TLE1: variants seen among roughly 807,000 people sequenced by gnomAD.
The protein encoded by TLE1 is transducin-like enhancer protein 1.
A neutral mutation model predicts 89.8 loss-of-function variants in TLE1; 21 were observed. The ratio of observed to expected loss-of-function variants is 0.23; its 90% confidence interval spans 0.17 to 0.34. The LOEUF is 0.34. Ranked by LOEUF, TLE1 falls within the 10% of genes least tolerant of loss-of-function variation. TLE1 has a pLI of 1.00. For synonymous variants in TLE1, 447 were observed against 407.6 expected, an observed-to-expected ratio of 1.10 and a Z score of -1.16; for missense variants, 795 against 1,031.2, an observed-to-expected ratio of 0.77 and a Z score of 3.14.
At chr9:81,616,158 T>G in intron 10 of TLE1, 24 bp from the exon 11 acceptor site, 1 of 1,585,610 alleles carries the variant, frequency 6.3e-7, no homozygotes, top group Non-Finnish European at 8.5e-7. Context: ...ATCAAAAGTT[T>G]TCGTGATTTA....
At chr9:81,661,621 A>C (rs929307307) in intron 4 of TLE1, among the ~76,000 whole-genome samples, 1 of 152,166 alleles carries the variant, frequency 6.6e-6, no homozygotes, top group African/African-American at 2.4e-5. Context: ...AACACAGTGG[A>C]GTGTTGGTAA....
intron 14 of TLE1, among the ~76,000 whole-genome samples, chr9:81,594,217 G>A (rs946224202): frequency 2.0e-5 from 3 of 152,126 alleles, no homozygotes; most frequent in Non-Finnish European, 4.4e-5. Flanking sequence ...CGGCCCCTCT[G>A]GGCCACAAGT....
intron 4 of TLE1, among the ~76,000 whole-genome samples, chr9:81,658,057 C>T (rs1481991145): frequency 6.6e-6 from 1 of 151,568 alleles, no homozygotes; most frequent in African/African-American, 2.4e-5. Context: ...ATTACAGGCA[C>T]GTGCCACCAT....
Position 81,584,205 on chromosome 9 carries a change from A to C in TLE1, c.2306T>G (p.Ile769Ser), listed in dbSNP as rs1327668477. 1.2e-6 allele frequency: 2 copies of C among 1,613,692 alleles called. No homozygotes were observed. The highest frequency in any genetic ancestry group is 2.2e-5 in the South Asian group (2 of 91,078). ...TTAAACCACATAATGTTTTCAGTAGATGACTTCATAGACTGTAGCCTTCTT... is the reference window on the plus strand; with the variant it reads ...TTAAACCACATAATGTTTTCAGTAGCTGACTTCATAGACTGTAGCCTTCTT... The part of the protein sequence containing the change: ...GDKKATVYEV[I>S]Y Residue 769 changes from isoleucine (I) to serine (S), a missense_variant, in exon 20 of 20, where the codon ATC becomes AGC. By Grantham distance (142) the Ile-to-Ser change is moderately radical. Transcript: ENST00000376499.
chr9:81,626,262 A>C (rs945182786), intron 8 of TLE1, among the ~76,000 whole-genome samples: 8 of 152,120 alleles, frequency 5.3e-5, no homozygotes, highest in Non-Finnish European at 1.2e-4. Context: ...CAGTTACACT[A>C]AGGCAGTAGG....
At chr9:81,621,717 C>T (rs535109512) in intron 8 of TLE1, among the ~76,000 whole-genome samples, 2 of 152,278 alleles carry the variant, frequency 1.3e-5, no homozygotes, top group African/African-American at 4.8e-5. Context: ...AGGTAATCAG[C>T]CAGGTGGCCA....
At chr9:81,629,437 A>C (rs1334773218) in intron 8 of TLE1, among the ~76,000 whole-genome samples, 1 of 152,250 alleles carries the variant, frequency 6.6e-6, no homozygotes, top group Non-Finnish European at 1.5e-5. Context: ...TCAAAATTTT[A>C]AAACAGCCAA....
intron 6 of TLE1, among the ~76,000 whole-genome samples, chr9:81,643,337 A>C (rs1371919098): frequency 6.6e-6 from 1 of 151,842 alleles, no homozygotes; most frequent in African/African-American, 2.4e-5. Context: ...CCTGGGTTCA[A>C]GCGATTCTCC....
At chr9:81,666,900 C>A (rs979893990) in intron 4 of TLE1, among the ~76,000 whole-genome samples, 1 of 151,836 alleles carries the variant, frequency 6.6e-6, no homozygotes, top group South Asian at 2.1e-4. Context: ...AGAGGATCAC[C>A]GCAGAGCAGG....
At chr9:81,610,735 C>A (rs1424039939) in intron 13 of TLE1, among the ~76,000 whole-genome samples, 1 of 151,894 alleles carries the variant, frequency 6.6e-6, no homozygotes, top group African/African-American at 2.4e-5. Context: ...AAGAGGAATC[C>A]ATACCTGCCC....
intron 4 of TLE1, among the ~76,000 whole-genome samples, chr9:81,676,303 C>A (rs945917980): frequency 6.6e-6 from 1 of 152,152 alleles, no homozygotes; most frequent in Non-Finnish European, 1.5e-5. Flanking sequence ...TTCAAGCAGA[C>A]TGCAACCTAG....
intron 13 of TLE1, among the ~76,000 whole-genome samples, chr9:81,610,615 A>C (rs1308905257): frequency 6.6e-6 from 1 of 152,006 alleles, no homozygotes; most frequent in Non-Finnish European, 1.5e-5. Context: ...GGATTTCTCA[A>C]CCTCAGCACT....
In TLE1 at chr9:81,687,335, T is replaced by C. The variant is rs1452572970; in HGVS notation, c.124A>G (p.Ser42Gly). The change falls in exon 2 of 20, where the codon AGC becomes GGC. Residue 42 changes from serine (S) to glycine (G), a missense_variant and splice_region_variant. Physicochemically the swap from Ser to Gly is moderately conservative, Grantham distance 56 (BLOSUM62 0). Transcript: ENST00000376499. ...EFQFLQAQYH[S>G]LKLECEKLAS... ...CGCATGGCGCGGCCGGACACGCACCTGTGATACTGCGCCTGCAGGAACTGG... is the reference window on the plus strand; with the variant it reads ...CGCATGGCGCGGCCGGACACGCACCCGTGATACTGCGCCTGCAGGAACTGG... The C allele has an allele frequency of 6.2e-7, 1 of 1,602,872 alleles. No individual in the cohort carries two copies. Among genetic ancestry groups the C allele is most frequent in the Non-Finnish European group, 8.5e-7 (1 of 1,176,332 alleles).
chr9:81,612,877 G>A (rs1823894926), intron 12 of TLE1, among the ~76,000 whole-genome samples: 1 of 152,214 alleles, frequency 6.6e-6, no homozygotes, highest in Non-Finnish European at 1.5e-5. Flanking sequence ...GGCCAACATG[G>A]TGAAACCCCG....
At chr9:81,638,828 T>C (rs1827730425) in intron 6 of TLE1, among the ~76,000 whole-genome samples, 1 of 152,170 alleles carries the variant, frequency 6.6e-6, no homozygotes, top group East Asian at 1.9e-4. Flanking sequence ...TTTTACCACA[T>C]TGGCCAGGCT....
chr9:81,636,126 T>C (rs1827327544), intron 6 of TLE1, among the ~76,000 whole-genome samples: 1 of 152,150 alleles, frequency 6.6e-6, no homozygotes, highest in Non-Finnish European at 1.5e-5. Context: ...CAGGCAGCAT[T>C]CATAGCATTC....
intron 6 of TLE1, among the ~76,000 whole-genome samples, chr9:81,648,919 C>CCTA (rs1467644422): frequency 2.0e-5 from 3 of 152,142 alleles, no homozygotes; most frequent in Non-Finnish European, 2.9e-5. Flanking sequence ...TTTTCTAAGG[C>CCTA]CTAAGTGAGC....
At chr9:81,658,117 G>C (rs549287694) in intron 4 of TLE1, among the ~76,000 whole-genome samples, 1 of 151,720 alleles carries the variant, frequency 6.6e-6, no homozygotes, top group South Asian at 2.1e-4. Context: ...TCACCATGTA[G>C]AACAGGCTGA....
At chr9:81,587,908 G>A (rs1450927937) in intron 16 of TLE1, 80 bp from the exon 17 acceptor site, 6 of 601,576 alleles carry the variant, frequency 1.0e-5, no homozygotes, top group Middle Eastern at 3.2e-4. Context: ...GTTTTGGACC[G>A]TGTGTGTGTG....
Sources: allele counts gnomAD v4.1 joint callset (sites outside exome capture counted in the v4.1 genomes callset), GRCh38; gene constraint gnomAD v4.1.1; transcripts MANE v1.5; gene names NCBI Gene and HGNC (gene_info 2026-07-23, HGNC 2026-07-21).